The following PCSK5 variants were observed in gnomAD, a reference collection of about 807,000 sequenced individuals.
The protein encoded by PCSK5 is proprotein convertase subtilisin/kexin type 5, also known as prohormone convertase 5.
PCSK5 carries 129 observed loss-of-function variants against 233.2 expected under a neutral mutation model. The observed-to-expected ratio is 0.55, with a 90% CI of 0.48 to 0.64. PCSK5 has a LOEUF of 0.64. PCSK5 is among the 30% of genes least tolerant of loss of function. The pLI is 0.00. For synonymous variants in PCSK5, 825 were observed against 879.2 expected (o/e 0.94, Z 1.09); for missense variants, 2,076 against 2,430.1 (o/e 0.85, Z 3.06).
chr9:76,101,254 T>G (rs1201354559), intron 8 of PCSK5, among the ~76,000 whole-genome samples: 1 of 152,194 alleles, frequency 6.6e-6, no homozygotes, highest in Non-Finnish European at 1.5e-5. Context: ...GATGGAGGCT[T>G]TACAAGTTGT....
At chr9:75,950,137 G>A (rs1256213873) in intron 2 of PCSK5, among the ~76,000 whole-genome samples, 1 of 90,764 alleles carries the variant, frequency 1.1e-5, no homozygotes, top group African/African-American at 4.7e-5. Flanking sequence ...ACACTTGTGT[G>A]TGTGTGTGGG....
At chr9:76,026,768 A>G (rs1022017785) in intron 4 of PCSK5, among the ~76,000 whole-genome samples, 193 bp from the exon 5 acceptor site, 1 of 152,160 alleles carries the variant, frequency 6.6e-6, no homozygotes, top group Non-Finnish European at 1.5e-5. Flanking sequence ...GGGGAAAAAT[A>G]TGGCACTAAT....
At chr9:75,921,653 CTG>C (rs1312387850) in intron 1 of PCSK5, among the ~76,000 whole-genome samples, 2 of 152,142 alleles carry the variant, frequency 1.3e-5, no homozygotes, top group East Asian at 1.9e-4. Flanking sequence ...ACAATAATCT[CTG>C]TAAGTCTCTC....
intron 7 of PCSK5, among the ~76,000 whole-genome samples, chr9:76,080,328 C>T (rs1456086110): frequency 6.6e-6 from 1 of 152,180 alleles, no homozygotes; most frequent in Admixed American, 6.5e-5. Flanking sequence ...GACACACACG[C>T]ACTCCAGCCC....
intron 5 of PCSK5, among the ~76,000 whole-genome samples, chr9:76,032,847 G>A (rs934435226): frequency 6.6e-6 from 1 of 152,146 alleles, no homozygotes; most frequent in African/African-American, 2.4e-5. Context: ...CTGCTTAAAA[G>A]TCACAGCAAC....
chr9:76,176,141 T>C (rs1823605485), intron 14 of PCSK5, among the ~76,000 whole-genome samples: 1 of 147,550 alleles, frequency 6.8e-6, no homozygotes, highest in Admixed American at 6.6e-5. Context: ...TAATCTCTTA[T>C]TTTTTACATT....
At chr9:75,945,347 T>A (rs1309894790) in intron 2 of PCSK5, among the ~76,000 whole-genome samples, 2 of 152,138 alleles carry the variant, frequency 1.3e-5, no homozygotes, top group Admixed American at 1.3e-4. Flanking sequence ...TTCTTGATTC[T>A]CTCCCTTTCC....
chr9:76,351,502 A>AGG (rs2131522801), intron 36 of PCSK5, among the ~76,000 whole-genome samples: 2 of 117,894 alleles, frequency 1.7e-5, no homozygotes, highest in African/African-American at 5.9e-5. Flanking sequence ...GAAAGAAAGA[A>AGG]AGAAAGAAAG....
intron 24 of PCSK5, among the ~76,000 whole-genome samples, chr9:76,282,406 A>T (rs1587832759): frequency 2.3e-5 from 3 of 128,982 alleles, no homozygotes; most frequent in South Asian, 2.4e-4. Context: ...TGCAGCCTTG[A>T]CCTCCGAGGC....
intron 35 of PCSK5, among the ~76,000 whole-genome samples, chr9:76,341,972 G>A (rs1829849302): frequency 6.6e-6 from 1 of 152,182 alleles, no homozygotes; most frequent in Non-Finnish European, 1.5e-5. Context: ...TATTTTGGTA[G>A]AAAAGGTGAG....
intron 28 of PCSK5, among the ~76,000 whole-genome samples, 187 bp downstream of exon 28, chr9:76,302,404 G>C (rs17721191): frequency 0.16 from 24,143 of 152,140 alleles, 2,121 homozygotes; most frequent in Middle Eastern, 0.31. Flanking sequence ...GCACTCAGAG[G>C]GAAGACTGTG....
At chr9:75,891,775 A>G (rs911541420) in intron 1 of PCSK5, among the ~76,000 whole-genome samples, 9 of 149,920 alleles carry the variant, frequency 6.0e-5, no homozygotes, top group Non-Finnish European at 1.3e-4. Flanking sequence ...TTTGGGGGAT[A>G]GGGGGTGAGC....
chr9:76,114,073 T>G (rs1034939774), intron 9 of PCSK5, among the ~76,000 whole-genome samples: 19 of 152,210 alleles, frequency 1.2e-4, no homozygotes, highest in Non-Finnish European at 2.1e-4. Context: ...CTCTTAGAGT[T>G]TTTTTGTGTA....
chr9:76,057,450 T>C (rs979998978), intron 5 of PCSK5, among the ~76,000 whole-genome samples: 3 of 152,224 alleles, frequency 2.0e-5, no homozygotes, highest in African/African-American at 7.2e-5. Context: ...TTAAATGTAA[T>C]TGAGCTAACC....
intron 3 of PCSK5, among the ~76,000 whole-genome samples, chr9:75,987,220 C>A (rs958470820): frequency 2.0e-5 from 3 of 152,140 alleles, no homozygotes; most frequent in Non-Finnish European, 2.9e-5. Flanking sequence ...TTCCCCACCT[C>A]CTTGGGTCAG....
chr9:76,279,015 A>C, intron 24 of PCSK5, among the ~76,000 whole-genome samples: 2 of 147,528 alleles, frequency 1.4e-5, no homozygotes, highest in African/African-American at 2.5e-5. Flanking sequence ...GCACCCACTA[A>C]CTCGTCATCT....
rs1022006541 is a variant in PCSK5, at chr9:76,087,607, AT to A, written c.895-8276del. Among the ~76,000 whole-genome samples, 5 of 152,292 alleles carry A rather than the reference AT, an allele frequency of 3.3e-5. No individual in the cohort carries two copies. The East Asian group carries it at 7.7e-4, about 23-fold the overall frequency. ...TCCTATAGTCATTATTAGGCTCTCT[AT>A]TTTTTTGAAAGTGAGGTCGGCTGCA... On this transcript the variant is annotated intron_variant, in intron 7 of 37. Transcript: ENST00000674117.
intron 24 of PCSK5, among the ~76,000 whole-genome samples, chr9:76,252,829 A>G (rs1826856060): frequency 6.6e-6 from 1 of 152,210 alleles, no homozygotes; most frequent in African/African-American, 2.4e-5. Context: ...TAGAAAAAGT[A>G]TTGGCGATAT....
At chr9:76,081,708 C>A (rs1830844806) in intron 7 of PCSK5, among the ~76,000 whole-genome samples, 1 of 152,094 alleles carries the variant, frequency 6.6e-6, no homozygotes, top group African/African-American at 2.4e-5. Context: ...AACATTGGAA[C>A]TAGAAATAAT....
Sources: gnomAD v4.1 joint callset for allele counts (sites outside exome capture counted in the v4.1 genomes callset) on GRCh38, gnomAD v4.1.1 for gene constraint, MANE v1.5 for transcripts, NCBI Gene and HGNC (gene_info 2026-07-23, HGNC 2026-07-21) for gene names.